The following SLC3A1 variants were observed in gnomAD, a reference collection of about 807,000 sequenced individuals.
SLC3A1 encodes amino acid transporter heavy chain SLC3A1.
A neutral mutation model predicts 60.3 loss-of-function variants in SLC3A1; 78 were observed. That is an observed-to-expected ratio of 1.29 (90% CI 1.08 to 1.56). The LOEUF is 1.56. Ranked by LOEUF, SLC3A1 falls within the 40% of genes most tolerant of loss-of-function variation. SLC3A1 has a pLI of 0.00. For missense variants in SLC3A1, 1,172 were observed against 858.9 expected (o/e 1.36, Z -4.56); for synonymous variants, 392 against 307.9 (o/e 1.27, Z -2.86).
chr2:44,290,699 T>C (rs1279628289), intron 4 of SLC3A1, among the ~76,000 whole-genome samples: 2 of 121,996 alleles, frequency 1.6e-5, no homozygotes, highest in Non-Finnish European at 3.5e-5. Context: ...TTTTTTTTAC[T>C]GTATATGTTT....
intron 4 of SLC3A1, among the ~76,000 whole-genome samples, chr2:44,296,133 C>A (rs1323586063): frequency 2.0e-5 from 3 of 152,164 alleles, no homozygotes; most frequent in African/African-American, 7.2e-5. Flanking sequence ...TTCTTTGCCC[C>A]ACCAGACTTC....
chr2:44,279,408 T>A (rs1671439634), intron 1 of SLC3A1, among the ~76,000 whole-genome samples: 1 of 152,158 alleles, frequency 6.6e-6, no homozygotes, highest in African/African-American at 2.4e-5. Flanking sequence ...TCCTGGACCT[T>A]CTCTGTCCTT....
At chr2:44,302,625 G>A (rs983655901) in intron 6 of SLC3A1, among the ~76,000 whole-genome samples, 11 of 152,280 alleles carry the variant, frequency 7.2e-5, no homozygotes, top group Middle Eastern at 3.4e-3. Flanking sequence ...AGCATTGATC[G>A]GAGTCATTTC....
chr2:44,300,974 G>A, intron 5 of SLC3A1, 29 bp from the exon 6 acceptor site: 2 of 1,613,042 alleles, frequency 1.2e-6, no homozygotes, highest in South Asian at 2.2e-5. Context: ...TATGAAATGA[G>A]GGTAACCATG....
intron 3 of SLC3A1, among the ~76,000 whole-genome samples, chr2:44,284,667 A>G (rs6717066): frequency 0.028 from 4,229 of 152,176 alleles, 193 homozygotes; most frequent in African/African-American, 0.095. Context: ...GGCTCAAGCA[A>G]TCCTCGCCAC....
intron 4 of SLC3A1, among the ~76,000 whole-genome samples, chr2:44,298,897 G>A (rs1671926096): frequency 6.6e-6 from 1 of 152,096 alleles, no homozygotes; most frequent in Non-Finnish European, 1.5e-5. Context: ...TGGGTTTCTA[G>A]CACACACCTT....
chr2:44,281,461 C>A lies in SLC3A1; in HGVS notation c.685C>A (p.Arg229=), dbSNP rs758636942. The A allele has an allele frequency of 2.1e-5, 34 of 1,613,334 alleles. No homozygotes were observed. Among genetic ancestry groups the A allele is most frequent in the Non-Finnish European group, 2.7e-5 (32 of 1,179,408 alleles). Residue 229 remains arginine, a synonymous_variant, in exon 3 of 10, where the codon CGG becomes AGG. Coordinates refer to ENST00000260649, the MANE Select transcript of SLC3A1 (RefSeq NM_000341.4). ...TATTTGGTTTCAATTGAGTCGGACACGGACAGGAAAATATACTGATTATTA... is the reference window on the plus strand; with the variant it reads ...TATTTGGTTTCAATTGAGTCGGACAAGGACAGGAAAATATACTGATTATTA... The part of the protein sequence containing the change: ...KHIWFQLSRT[R]TGKYTDYYIW...
chr2:44,318,173 C>G (rs1213000911), intron 9 of SLC3A1: 3 of 433,678 alleles, frequency 6.9e-6, no homozygotes, highest in Middle Eastern at 6.9e-4. Flanking sequence ...ACACTGCAGC[C>G]TCTGCTTCCT....
At chr2:44,311,233 A>G (rs1183458284) in intron 7 of SLC3A1, among the ~76,000 whole-genome samples, 1 of 152,152 alleles carries the variant, frequency 6.6e-6, no homozygotes, top group Admixed American at 6.5e-5. Context: ...TTTTAACTCT[A>G]ACAGTTTTAT....
intron 3 of SLC3A1, chr2:44,285,626 G>A (rs1671594730): frequency 2.1e-6 from 1 of 474,290 alleles, no homozygotes; most frequent in African/African-American, 2.0e-5. Flanking sequence ...GTCTATCTGG[G>A]CTCAAGCTCC....
chr2:44,306,089 T>C (rs973092932), intron 7 of SLC3A1, among the ~76,000 whole-genome samples: 1 of 152,160 alleles, frequency 6.6e-6, no homozygotes, highest in Non-Finnish European at 1.5e-5. Context: ...ACTGGTGCTG[T>C]TGTTATTCGT....
intron 3 of SLC3A1, among the ~76,000 whole-genome samples, chr2:44,282,276 T>C (rs1039490971): frequency 6.6e-6 from 1 of 152,168 alleles, no homozygotes; most frequent in Non-Finnish European, 1.5e-5. Flanking sequence ...TAGTTGAGTC[T>C]CTGGAGACAT....
At chr2:44,320,168 CACTT>C (rs745463872) in intron 9 of SLC3A1, 27 bp from the exon 10 acceptor site, 21 of 1,530,044 alleles carry the variant, frequency 1.4e-5, no homozygotes, top group Admixed American at 3.4e-5. Flanking sequence ...TAGAATCAAA[CACTT>C]ACGTAAATAC....
In SLC3A1 at chr2:44,304,205, C is replaced by T. The variant is rs759029819; in HGVS notation, c.1199C>T (p.Pro400Leu). The T allele has an allele frequency of 1.7e-5, 27 of 1,614,080 alleles. No homozygotes were observed. Among genetic ancestry groups the T allele is most frequent in the Non-Finnish European group, 2.1e-5 (25 of 1,179,932 alleles). Residue 400 changes from proline to leucine, a missense_variant, in exon 7 of 10, where the codon CCA becomes CTA. By Grantham distance (98) the Pro-to-Leu change is moderately conservative (BLOSUM62 -3). Transcript: ENST00000260649. ...AGGACCGTGATGTACTATGGATTGC[C>T]ATTTATCCAAGAAGCTGATTTTCCC... ...IDRTVMYYGLPFIQEADFPFN... is the reference protein window; with the variant it reads ...IDRTVMYYGLLFIQEADFPFN...
At chr2:44,309,897 CTTT>C (rs111309829) in intron 7 of SLC3A1, among the ~76,000 whole-genome samples, 4 of 151,290 alleles carry the variant, frequency 2.6e-5, no homozygotes, top group African/African-American at 2.4e-5. Flanking sequence ...TGTGCCCAGG[CTTT>C]TTTTTTGAGA....
chr2:44,282,580 G>A (rs1375457266), intron 3 of SLC3A1, among the ~76,000 whole-genome samples: 1 of 152,148 alleles, frequency 6.6e-6, no homozygotes, highest in Non-Finnish European at 1.5e-5. Flanking sequence ...AGTTAAATCT[G>A]AATTTTGGAC....
intron 4 of SLC3A1, among the ~76,000 whole-genome samples, chr2:44,298,389 T>A (rs1671910878): frequency 6.6e-6 from 1 of 152,020 alleles, no homozygotes; most frequent in South Asian, 2.1e-4. Context: ...ACTGCCTTTT[T>A]TTTTCTTGAA....
chr2:44,297,357 C>G lies in SLC3A1; in HGVS notation c.892-2614C>G, dbSNP rs943211567. On this transcript the variant is annotated intron_variant, in intron 4 of 9. Transcript: ENST00000260649. The stretch of plus-strand genomic sequence containing the variant: ...TCAGGACCTCTGCTTTTCACGGTCA[C>G]CTGGTCCTCCCACCTGTCCCAGTAC... Among the ~76,000 whole-genome samples, 10 of 152,234 alleles carry G rather than the reference C, an allele frequency of 6.6e-5. No individual in the cohort carries two copies. In the East Asian group the frequency reaches 7.7e-4, roughly 12 times the overall value.
At position 44,312,637 on chromosome 2, in the gene SLC3A1, G is replaced by A. The variant is rs1672327554; in HGVS notation, c.1384G>A (p.Val462Ile). 1 of 1,613,840 alleles carries A rather than the reference G, an allele frequency of 6.2e-7. No homozygotes were observed. The highest frequency in any genetic ancestry group is 1.7e-5 in the Admixed American group (1 of 60,000). ...GACTTCGCGTTTGGGGAATCAGTAT[G>A]TCAACGTGATGAACATGCTTCTTTT... ...RLTSRLGNQY[V>I]NVMNMLLFTL... The change falls in exon 8 of 10, where the codon GTC (valine) becomes ATC (isoleucine). Residue 462 changes from valine to isoleucine, a missense_variant. Coordinates refer to ENST00000260649, the MANE Select transcript of SLC3A1 (RefSeq NM_000341.4).
Sources: allele counts gnomAD v4.1 joint callset (sites outside exome capture counted in the v4.1 genomes callset), GRCh38; gene constraint gnomAD v4.1.1; transcripts MANE v1.5; gene names NCBI Gene and HGNC (gene_info 2026-07-23, HGNC 2026-07-21).